C17orf75: variants seen among roughly 807,000 people sequenced by gnomAD.
C17orf75 encodes the protein chromosome 17 open reading frame 75, also known as protein Njmu-R1.
C17orf75 carries 32 observed loss-of-function variants against 49.6 expected under a neutral mutation model. That is an observed-to-expected ratio of 0.65 (90% confidence interval 0.49 to 0.87). The LOEUF is 0.87. C17orf75 is among the 40% of genes least tolerant of loss of function. The pLI is 0.00. For synonymous variants in C17orf75, 158 were observed against 159.5 expected (o/e 0.99, Z 0.07); for missense variants, 428 against 473.9 (o/e 0.90, Z 0.90).
At chr17:32,335,474 T>A (rs888270036) in intron 5 of C17orf75, 32 bp from the exon 6 acceptor site, 11 of 1,608,174 alleles carry the variant, frequency 6.8e-6, no homozygotes, top group Non-Finnish European at 8.5e-6. Context: ...TTTGCTTTAA[T>A]ATAAGCCTTT....
At chr17:32,348,865 G>GTTTTTTTTTT (rs1567807385) in intron 1 of C17orf75, among the ~76,000 whole-genome samples, 15 of 49,488 alleles carry the variant, frequency 3.0e-4, no homozygotes, top group South Asian at 1.3e-3. Context: ...GACAGCTCCA[G>GTTTTTTTTTT]TCTTTTTTTT....
intron 2 of C17orf75, among the ~76,000 whole-genome samples, 198 bp from the exon 3 acceptor site, chr17:32,340,136 A>G (rs1363577455): frequency 6.6e-6 from 1 of 152,112 alleles, no homozygotes; most frequent in East Asian, 1.9e-4. Context: ...AAATATTCCT[A>G]TCTTTCCAGC....
At chr17:32,342,335 G>C, upstream of C17orf75, 2 of 831,622 alleles carry the variant, frequency 2.4e-6, no homozygotes, top group Non-Finnish European at 3.3e-6. Context: ...TACTGAGTTC[G>C]CCTTTACTGA....
At chr17:32,341,394 G>A (rs1467417764) in intron 1 of C17orf75, 110 bp from the exon 2 acceptor site, 3 of 1,046,602 alleles carry the variant, frequency 2.9e-6, no homozygotes, top group Admixed American at 3.5e-5. Flanking sequence ...ATGCTGCAAG[G>A]TGGAAGTGCA....
At chr17:32,341,090 G>A in intron 2 of C17orf75, 114 bp downstream of exon 2, 1 of 1,112,052 alleles carries the variant, frequency 9.0e-7, no homozygotes, top group South Asian at 1.3e-5. Flanking sequence ...AGGAGGAATT[G>A]ACGGTTTGAC....
At chr17:32,334,230 C>T (rs1044764313) in intron 8 of C17orf75, among the ~76,000 whole-genome samples, 5 of 152,148 alleles carry the variant, frequency 3.3e-5, no homozygotes, top group South Asian at 2.1e-4. Flanking sequence ...TTTTAAAATT[C>T]ATCTCCTTGT....
intron 4 of C17orf75, 123 bp from the exon 5 acceptor site, chr17:32,338,077 C>T: frequency 6.6e-7 from 1 of 1,509,050 alleles, no homozygotes; most frequent in Non-Finnish European, 9.1e-7. Flanking sequence ...GCAAAATGGC[C>T]ACATGAAGGT....
chr17:32,333,613 C>G, intron 8 of C17orf75, 93 bp from the exon 9 acceptor site: 1 of 1,133,766 alleles, frequency 8.8e-7, no homozygotes, highest in Non-Finnish European at 1.3e-6. Context: ...TCTTGTTGCC[C>G]GGCTGGAGTG....
intron 8 of C17orf75, 126 bp from the exon 9 acceptor site, chr17:32,333,646 G>C: frequency 1.3e-6 from 1 of 759,672 alleles, no homozygotes; most frequent in Admixed American, 2.9e-5. Flanking sequence ...TAACTATATC[G>C]TTAGTAGAGA....
upstream of C17orf75, chr17:32,343,872 G>A: frequency 1.2e-5 from 8 of 678,174 alleles, no homozygotes; most frequent in Admixed American, 2.0e-5. Flanking sequence ...TCCTGGAGAG[G>A]TTGAGTTACC....
At chr17:32,333,580 T>C in intron 8 of C17orf75, 60 bp from the exon 9 acceptor site, 1 of 1,446,256 alleles carries the variant, frequency 6.9e-7, no homozygotes, top group East Asian at 2.3e-5. Flanking sequence ...TATTTATTTA[T>C]TTATTTGAGA....
In C17orf75 at chr17:32,331,581, A is replaced by G; in HGVS notation, c.*182T>C. On this transcript the variant is annotated 3_prime_UTR_variant, in exon 10 of 10. Transcript: ENST00000577809. ...CAACTCTCACATACATTATCTATCT[A>G]GGACTCAGTGAAGATGTTCTTCAGA... 5.0e-6 allele frequency: 3 copies of G among 604,938 alleles called. No individual in the cohort carries two copies. The highest frequency in any genetic ancestry group is 2.0e-5 in the South Asian group (1 of 48,816). 37.5% of individuals were successfully genotyped at this position (604,938 alleles called of 1,614,324 possible). A position where few individuals can be genotyped will look rare whatever the true frequency, so the allele number is the denominator to read the frequency against.
At position 32,337,923 on chromosome 17, in the gene C17orf75, C is replaced by A; in HGVS notation, c.523G>T (p.Gly175Trp). 1 of 1,605,106 alleles carries A rather than the reference C, an allele frequency of 6.2e-7. No homozygotes were observed. Among genetic ancestry groups the A allele is most frequent in the South Asian group, 1.1e-5 (1 of 89,640 alleles). The change falls in exon 5 of 10, where the codon GGG becomes TGG. Residue 175 changes from glycine to tryptophan, a missense_variant. Transcript: ENST00000577809. ...TCACAATTCATGTTATTTTTCAGCCCTTGAATGTACTTGTCCAATTCAAGC... is the reference window on the plus strand; with the variant it reads ...TCACAATTCATGTTATTTTTCAGCCATTGAATGTACTTGTCCAATTCAAGC... ...FRLELDKYIQ[G>W]LKNNMNCEAR...
chr17:32,334,419 T>C (rs2041305543), intron 8 of C17orf75, 50 bp downstream of exon 8: 2 of 1,576,794 alleles, frequency 1.3e-6, no homozygotes, highest in Admixed American at 1.8e-5. Flanking sequence ...AGTGCAAAGA[T>C]GGGGACTCGC....
intron 2 of C17orf75, 71 bp downstream of exon 2, chr17:32,341,133 C>A (rs574102721): frequency 6.7e-7 from 1 of 1,495,914 alleles, no homozygotes; most frequent in Non-Finnish European, 9.3e-7. Flanking sequence ...AGAGTATCCA[C>A]TGACATGTAC....
chr17:32,342,411 A>G, upstream of C17orf75: 1 of 352,964 alleles, frequency 2.8e-6, no homozygotes. Context: ...TCTATGTGAT[A>G]AAGGTGGCAC....
Position 32,329,115 on chromosome 17 carries a change from T to A in C17orf75, c.*2648A>T, listed in dbSNP as rs376168866. On this transcript the variant is annotated 3_prime_UTR_variant, in exon 10 of 10. Coordinates refer to ENST00000577809, the MANE Select transcript of C17orf75 (RefSeq NM_022344.4). ...GGAGTCTCGCTCTGTCGCCCAGGCT[T>A]GAGTGCAGTGGTGTGATCTCGACTC... 6.6e-6 allele frequency: 1 copy of A among 151,714 alleles called. No individual in the cohort carries two copies. The allele number at this position is 151,714 out of a possible 1,614,324, so 9.4% of individuals were successfully genotyped here.
At chr17:32,340,006 G>C in intron 2 of C17orf75, 68 bp from the exon 3 acceptor site, 1 of 1,572,180 alleles carries the variant, frequency 6.4e-7, no homozygotes. Context: ...AAGTCAGACA[G>C]AATGGTACCA....
chr17:32,345,348 C>T (rs1269446284), upstream of C17orf75, among the ~76,000 whole-genome samples: 4 of 150,796 alleles, frequency 2.7e-5, no homozygotes, highest in East Asian at 5.9e-4. Context: ...TGGTGGTGCA[C>T]GCCTGTGATC....
Sources: gnomAD v4.1 joint callset for allele counts (sites outside exome capture counted in the v4.1 genomes callset) on GRCh38, gnomAD v4.1.1 for gene constraint, MANE v1.5 for transcripts, NCBI Gene and HGNC (gene_info 2026-07-23, HGNC 2026-07-21) for gene names.